The following ABCB5 variants were observed in gnomAD, a reference collection of about 807,000 sequenced individuals.
The protein encoded by ABCB5 is ATP binding cassette subfamily B member 5, also known as ATP-binding cassette sub-family B member 5.
Under a neutral mutation model 144.2 loss-of-function variants are expected in ABCB5, and 155 were observed. That is an observed-to-expected ratio of 1.08 (90% CI 0.94 to 1.23). The LOEUF (loss-of-function observed/expected upper bound fraction) is 1.23. ABCB5 is among the 50% of genes most tolerant of loss of function. ABCB5 has a pLI of 0.00. For missense variants in ABCB5, 1,830 were observed against 1,520.8 expected (o/e 1.20, Z -3.38); for synonymous variants, 610 against 528.6 (o/e 1.15, Z -2.11).
rs1787070087 is a variant in ABCB5 at position 20,711,844 on chromosome 7, CTTTTCTTTCTTTCT to C, written c.2421+7040_2421+7053del. ...TCTTTCTTTCTTTCTTTCTTTCTTT[CTTTTCTTTCTTTCT>C]TTCCTTCCTCCCTCCCTCCCTCCCT... On this transcript the variant is annotated intron_variant, in intron 20 of 27. Coordinates refer to ENST00000404938, the MANE Select transcript of ABCB5 (RefSeq NM_001163941.2). Among the ~76,000 whole-genome samples the C allele has an allele frequency of 1.5e-4, 13 of 84,478 alleles. 2 individuals are homozygous for C. Among genetic ancestry groups the C allele is most frequent in the African/African-American group, 5.7e-4 (13 of 22,646 alleles). The allele number at this position is 84,478 out of a possible 152,430, so 55.4% of individuals were successfully genotyped here. A position where few individuals can be genotyped will look rare whatever the true frequency, so the allele number is the denominator to read the frequency against.
intron 2 of ABCB5, among the ~76,000 whole-genome samples, chr7:20,625,811 G>T (rs1783896131): frequency 6.6e-6 from 1 of 152,094 alleles, no homozygotes; most frequent in Non-Finnish European, 1.5e-5. Flanking sequence ...ATACTCAAAA[G>T]AATTAAAACC....
At chr7:20,700,217 T>C (rs989859648) in intron 19 of ABCB5, 82 bp downstream of exon 19, 5 of 1,182,966 alleles carry the variant, frequency 4.2e-6, no homozygotes, top group Admixed American at 5.1e-5. Flanking sequence ...CTCAAGTCAA[T>C]TTTTGACATA....
intron 18 of ABCB5, 31 bp from the exon 19 acceptor site, chr7:20,700,027 G>T (rs370909253): frequency 2.5e-6 from 4 of 1,607,390 alleles, no homozygotes; most frequent in Non-Finnish European, 3.4e-6. Flanking sequence ...CAAAGGAAAA[G>T]AACGTAGATT....
intron 2 of ABCB5, among the ~76,000 whole-genome samples, chr7:20,625,028 A>G (rs1198572302): frequency 6.6e-6 from 1 of 152,258 alleles, no homozygotes; most frequent in Non-Finnish European, 1.5e-5. Context: ...CATGAAGGTC[A>G]ATCGGAGTTA....
intron 20 of ABCB5, among the ~76,000 whole-genome samples, chr7:20,711,605 G>A (rs1787036434): frequency 6.8e-6 from 1 of 147,960 alleles, no homozygotes; most frequent in South Asian, 2.2e-4. Context: ...GGGACTCTGG[G>A]CACATGCCAC....
At chr7:20,656,692 AT>A (rs35398667) in intron 13 of ABCB5, among the ~76,000 whole-genome samples, 54,643 of 151,802 alleles carry the variant, frequency 0.36, 10,598 homozygotes, top group African/African-American at 0.51. Context: ...CTAGAAAGCA[AT>A]TTGGCAGTTT....
At position 20,714,124 on chromosome 7, in the gene ABCB5, T is replaced by C. The variant is rs141071231; in HGVS notation, c.2422-8892T>C. On this transcript the variant is annotated intron_variant, in intron 20 of 27. Coordinates refer to ENST00000404938, the MANE Select transcript of ABCB5 (RefSeq NM_001163941.2). ...TTCATGTATTTTGTCTATTTTTTGT[T>C]TGGTTTTAGATGAGAGGATAAATCC... 2.0e-5 allele frequency among the ~76,000 whole-genome samples: 3 copies of C among 152,254 alleles called. No individual in the cohort carries two copies. In the East Asian group the frequency reaches 5.8e-4, roughly 29 times the overall value.
At chr7:20,648,932 A>G (rs890218362) in intron 11 of ABCB5, among the ~76,000 whole-genome samples, 1 of 152,204 alleles carries the variant, frequency 6.6e-6, no homozygotes, top group African/African-American at 2.4e-5. Context: ...TTAACTGTAC[A>G]GTATTTCAAA....
At chr7:20,653,559 C>T (rs1449690292) in intron 13 of ABCB5, among the ~76,000 whole-genome samples, 1 of 152,138 alleles carries the variant, frequency 6.6e-6, no homozygotes, top group Non-Finnish European at 1.5e-5. Context: ...CATTTCCATG[C>T]ATTGGATGAG....
Position 20,648,086 on chromosome 7 carries a change from A to G in ABCB5, c.1206+8A>G, listed in dbSNP as rs756985564. Reference sequence around the variant, plus strand: ...TCAAGACCATCTATCAAGGTAGGTTAAAACAAATTACGCAATTGTGCAGTT... The same window carrying G: ...TCAAGACCATCTATCAAGGTAGGTTGAAACAAATTACGCAATTGTGCAGTT... On this transcript the variant is annotated splice_region_variant and intron_variant, in intron 11 of 27. Transcript: ENST00000404938. The G allele has an allele frequency of 4.0e-6, 6 of 1,503,718 alleles. No individual in the cohort carries two copies. Among genetic ancestry groups the G allele is most frequent in the Non-Finnish European group, 5.5e-6 (6 of 1,083,262 alleles). The allele number at this position is 1,503,718 out of a possible 1,614,324, so 93.1% of individuals were successfully genotyped here. A position where few individuals can be genotyped will look rare whatever the true frequency, so the allele number is the denominator to read the frequency against.
At chr7:20,685,617 C>A in intron 15 of ABCB5, 79 bp from the exon 16 acceptor site, 1 of 1,317,850 alleles carries the variant, frequency 7.6e-7, no homozygotes, top group South Asian at 1.5e-5. Flanking sequence ...GCGATAACAG[C>A]TTTAAAGAGA....
rs1172173907 is a variant in ABCB5 at position 20,644,154 on chromosome 7, T to C, written c.678+522T>C. On this transcript the variant is annotated intron_variant, in intron 7 of 27. Transcript: ENST00000404938. Reference sequence around the variant, plus strand: ...AGGCTGGAGTGCAGTGGTGCAAACATGGTTCACTGCAGCCTCAACTTCCCA... The same window carrying C: ...AGGCTGGAGTGCAGTGGTGCAAACACGGTTCACTGCAGCCTCAACTTCCCA... 5.3e-5 allele frequency among the ~76,000 whole-genome samples: 8 copies of C among 151,990 alleles called. No individual in the cohort carries two copies. The South Asian group carries it at 8.3e-4, about 16-fold the overall frequency.
chr7:20,692,849 T>C (rs920053323), intron 16 of ABCB5, among the ~76,000 whole-genome samples: 27 of 152,170 alleles, frequency 1.8e-4, no homozygotes, highest in African/African-American at 6.5e-4. Flanking sequence ...TTACTAGGGA[T>C]AAAGAAGTTT....
At chr7:20,679,816 G>T (rs958837754) in intron 14 of ABCB5, among the ~76,000 whole-genome samples, 1 of 152,094 alleles carries the variant, frequency 6.6e-6, no homozygotes, top group African/African-American at 2.4e-5. Flanking sequence ...CTATTGGGGG[G>T]TTTATAAAAT....
intron 27 of ABCB5, among the ~76,000 whole-genome samples, chr7:20,755,057 G>A (rs2528801): frequency 0.39 from 58,525 of 151,740 alleles, 11,871 homozygotes; most frequent in African/African-American, 0.51. Context: ...TCAAGCGATT[G>A]TCCTGCCTCA....
chr7:20,626,645 G>A, intron 3 of ABCB5, 34 bp downstream of exon 3: 1 of 1,559,096 alleles, frequency 6.4e-7, no homozygotes, highest in Non-Finnish European at 8.7e-7. Context: ...ACATGCATTA[G>A]AAGATTTTAG....
intron 14 of ABCB5, chr7:20,659,392 G>A (rs1363046666): frequency 1.7e-6 from 2 of 1,197,420 alleles, no homozygotes; most frequent in Non-Finnish European, 2.1e-6. Flanking sequence ...AGTGAGTTAA[G>A]CGTTTTTTTT....
chr7:20,661,540 C>CT (rs71555814), intron 14 of ABCB5, among the ~76,000 whole-genome samples: 23,605 of 139,854 alleles, frequency 0.17, 2,449 homozygotes, highest in African/African-American at 0.28. Flanking sequence ...TTTTCTTTTT[C>CT]TTTTTTTTTT....
rs903566499 is a variant in ABCB5 at position 20,707,856 on chromosome 7, T to A, written c.2421+3049T>A. Among the ~76,000 whole-genome samples the A allele has an allele frequency of 1.1e-4, 15 of 138,706 alleles. No individual in the cohort carries two copies. The Admixed American group carries it at 1.2e-3, about 11-fold the overall frequency. The allele number at this position is 138,706 out of a possible 152,430, so 91.0% of individuals were successfully genotyped here. A position where few individuals can be genotyped will look rare whatever the true frequency, so the allele number is the denominator to read the frequency against. Reference sequence around the variant, plus strand: ...GGTCTCGCTCTCGCCCAGGCTGGAATGCAGTGGCGCGATCTCGGCTCACTG... The same window carrying A: ...GGTCTCGCTCTCGCCCAGGCTGGAAAGCAGTGGCGCGATCTCGGCTCACTG... On this transcript the variant is annotated intron_variant, in intron 20 of 27. Coordinates refer to ENST00000404938, the MANE Select transcript of ABCB5 (RefSeq NM_001163941.2).
Sources: gnomAD v4.1 joint callset for allele counts (sites outside exome capture counted in the v4.1 genomes callset) on GRCh38, gnomAD v4.1.1 for gene constraint, MANE v1.5 for transcripts, NCBI Gene and HGNC (gene_info 2026-07-23, HGNC 2026-07-21) for gene names.